Variants in DMD observed in about 807,000 individuals in gnomAD.
DMD encodes mutant dystrophin.
Under a neutral mutation model 330.1 loss-of-function variants are expected in DMD, and 63 were observed. The ratio of observed to expected loss-of-function variants is 0.19; its 90% CI spans 0.16 to 0.24. The LOEUF is 0.24. Ranked by LOEUF, DMD falls within the 10% of genes least tolerant of loss-of-function variation. DMD has a pLI of 1.00. For synonymous variants in DMD, 1,223 were observed against 959.8 expected (o/e 1.27, Z -5.07); for missense variants, 3,344 against 2,684.1 (o/e 1.25, Z -5.43).
rs1196901153 is a variant in DMD, at chrX:32,468,485, A to T, written c.3162+13T>A. On this transcript the variant is annotated intron_variant, in intron 23 of 78. Transcript: ENST00000357033. ...AAATAAAAATGAGGGTAGAAAGTAA[A>T]ATCTTGAATTACCTGAATTTTTCGG... 1 of 1,186,427 alleles carries T rather than the reference A, an allele frequency of 8.4e-7. No individual in the cohort carries two copies. Among genetic ancestry groups the T allele is most frequent in the Non-Finnish European group, 1.1e-6 (1 of 877,612 alleles).
At chrX:33,165,213 A>G (rs2048991839) in intron 1 of DMD, among the ~76,000 whole-genome samples, 1 of 111,512 alleles carries the variant, frequency 9.0e-6, no homozygotes, top group African/African-American at 3.3e-5. Context: ...CCTACATGTC[A>G]GTTTGGGTTT....
chrX:32,878,997 GACT>G (rs1159263900), intron 2 of DMD, among the ~76,000 whole-genome samples: 1 of 86,796 alleles, frequency 1.2e-5, no homozygotes, highest in African/African-American at 4.4e-5. Flanking sequence ...GACAGACCAA[GACT>G]ACGTCTCAAA....
chrX:31,783,083 G>T (rs1287304059), intron 50 of DMD, among the ~76,000 whole-genome samples: 1 of 111,592 alleles, frequency 9.0e-6, no homozygotes, highest in Admixed American at 9.5e-5. Flanking sequence ...GTCATCAATT[G>T]CAAAACTGAT....
chrX:32,604,504 T>C (rs148811926), intron 12 of DMD, among the ~76,000 whole-genome samples: 185 of 109,383 alleles, frequency 1.7e-3, no homozygotes, highest in African/African-American at 6.0e-3. Context: ...AAGACAAGGA[T>C]ACCCATTTTC....
intron 1 of DMD, among the ~76,000 whole-genome samples, chrX:33,219,219 T>G (rs1183462832): frequency 9.2e-6 from 1 of 108,710 alleles, no homozygotes; most frequent in Non-Finnish European, 1.9e-5. Flanking sequence ...TGGTGGAAGA[T>G]AGAGGTAGAA....
chrX:31,815,340 C>T (rs1291412794), intron 50 of DMD, among the ~76,000 whole-genome samples: 1 of 110,686 alleles, frequency 9.0e-6, no homozygotes, highest in Non-Finnish European at 1.9e-5. Context: ...ATCCTAGCTA[C>T]TCAGGAGGCT....
intron 1 of DMD, among the ~76,000 whole-genome samples, chrX:33,298,631 A>G (rs1490697370): frequency 1.8e-5 from 2 of 111,517 alleles, no homozygotes; most frequent in Non-Finnish European, 3.8e-5. Context: ...TTAGTATCTT[A>G]TTTCTTGCTG....
chrX:31,281,431 G>A (rs1040062882), intron 62 of DMD, among the ~76,000 whole-genome samples: 3 of 111,668 alleles, frequency 2.7e-5, no homozygotes, highest in Non-Finnish European at 5.6e-5. Flanking sequence ...AGAGTATCAC[G>A]CTGATTCCCA....
intron 1 of DMD, among the ~76,000 whole-genome samples, chrX:33,332,170 T>C (rs755931071): frequency 9.0e-6 from 1 of 111,372 alleles, no homozygotes; most frequent in Non-Finnish European, 1.9e-5. Flanking sequence ...ATAGAGTGGA[T>C]TAAATTTGTG....
chrX:32,420,543 T>C (rs1380530296), intron 29 of DMD, among the ~76,000 whole-genome samples: 1 of 111,907 alleles, frequency 8.9e-6, no homozygotes, highest in Non-Finnish European at 1.9e-5. Flanking sequence ...AAACTAGTCC[T>C]TACAATGTAG....
chrX:32,765,639 C>A (rs1408679547), intron 7 of DMD, among the ~76,000 whole-genome samples: 4 of 111,600 alleles, frequency 3.6e-5, no homozygotes, highest in Non-Finnish European at 7.5e-5. Context: ...TCGCAAACAT[C>A]TTCTCCCATT....
intron 34 of DMD, among the ~76,000 whole-genome samples, chrX:32,375,163 T>C (rs1185935793): frequency 9.0e-6 from 1 of 111,417 alleles, no homozygotes; most frequent in Non-Finnish European, 1.9e-5. Flanking sequence ...ATTCATTCCC[T>C]TGACTCTGCT....
rs1383701636 is a variant in DMD at position 32,887,770 on chromosome X, A to AAAAAAAAAAAAAAAAAC, written c.94-37951_94-37950insGTTTTTTTTTTTTTTTT. Among the ~76,000 whole-genome samples the AAAAAAAAAAAAAAAAAC allele has an allele frequency of 3.6e-3, 250 of 70,334 alleles. 35 individuals carry two copies. The highest frequency in any genetic ancestry group is 5.3e-3 in the Non-Finnish European group (182 of 34,621). The allele number at this position is 70,334 out of a possible 115,157, so 61.1% of individuals were successfully genotyped here. ...CAAAAAAAAAAAAAAAAAAAAAAAA[A>AAAAAAAAAAAAAAAAAC]AAAAAACATCAACTAAAAGCTTATG... On this transcript the variant is annotated intron_variant, in intron 2 of 78. Transcript: ENST00000357033.
At position 32,346,978 on chromosome X, in the gene DMD, CA is replaced by C. The variant is rs200871207; in HGVS notation, c.5449-899del. On this transcript the variant is annotated intron_variant, in intron 38 of 78. Transcript: ENST00000357033. Reference sequence around the variant, plus strand: ...AGGTACACTGATGACATAAGGAAAACAAATAATAAATTTCAAAAGTCACAAG... The same window carrying C: ...AGGTACACTGATGACATAAGGAAAACAATAATAAATTTCAAAAGTCACAAG... Among the ~76,000 whole-genome samples, 1,005 of 111,207 alleles carry C rather than the reference CA, an allele frequency of 9.0e-3. 2 individuals are homozygous for C. The highest frequency in any genetic ancestry group is 0.014 in the Non-Finnish European group (732 of 52,856).
Position 31,174,410 on chromosome X carries a change from T to A in DMD, c.10263-806A>T, listed in dbSNP as rs184277213. Among the ~76,000 whole-genome samples the A allele has an allele frequency of 4.2e-3, 474 of 111,855 alleles. 2 individuals are homozygous for A. Among genetic ancestry groups the A allele is most frequent in the Non-Finnish European group, 6.0e-3 (318 of 52,833 alleles). Reference sequence around the variant, plus strand: ...GGCTAGAATTCTGGTAGGGTTAACATTTTTTCATCCTTTCATATCTGATCT... The same window carrying A: ...GGCTAGAATTCTGGTAGGGTTAACAATTTTTCATCCTTTCATATCTGATCT... On this transcript the variant is annotated intron_variant, in intron 71 of 78. Coordinates refer to ENST00000357033, the MANE Select transcript of DMD (RefSeq NM_004006.3).
chrX:31,394,577 T>C (rs1365721396), intron 60 of DMD, among the ~76,000 whole-genome samples: 2 of 111,483 alleles, frequency 1.8e-5, no homozygotes, highest in Admixed American at 9.6e-5. Context: ...GTGGATCACC[T>C]GAGGTCAGGA....
intron 12 of DMD, among the ~76,000 whole-genome samples, chrX:32,602,423 A>C (rs1196515619): frequency 8.9e-6 from 1 of 112,033 alleles, no homozygotes; most frequent in East Asian, 2.8e-4. Context: ...TTATTGAAAA[A>C]GAAAAGAAGA....
chrX:32,907,198 C>G (rs914043728), intron 2 of DMD, among the ~76,000 whole-genome samples: 1 of 111,884 alleles, frequency 8.9e-6, no homozygotes, highest in African/African-American at 3.2e-5. Flanking sequence ...TTGCGTGAAA[C>G]AGGTTCAGTA....
chrX:32,694,865 C>T lies in DMD; in HGVS notation c.960+3005G>A, dbSNP rs752460421. Among the ~76,000 whole-genome samples, 6 of 111,144 alleles carry T rather than the reference C, an allele frequency of 5.4e-5. No homozygotes were observed. In the East Asian group the frequency reaches 1.1e-3, roughly 21 times the overall value. ...GAGATGGGGTTTTACCATGTTGGTTCGGTTGGTCTCGAACTCTGACCTCAG... is the reference window on the plus strand; with the variant it reads ...GAGATGGGGTTTTACCATGTTGGTTTGGTTGGTCTCGAACTCTGACCTCAG... On this transcript the variant is annotated intron_variant, in intron 9 of 78. Transcript: ENST00000357033.
Sources: allele counts gnomAD v4.1 joint callset (sites outside exome capture counted in the v4.1 genomes callset), GRCh38; gene constraint gnomAD v4.1.1; transcripts MANE v1.5; gene names NCBI Gene and HGNC (gene_info 2026-07-23, HGNC 2026-07-21).